ZNF385D: variants seen among roughly 807,000 people sequenced by gnomAD.
The protein encoded by ZNF385D is zinc finger protein 385D.
In ZNF385D, 15 loss-of-function variants were observed where a neutral mutation model predicts 35.8. The observed-to-expected ratio is 0.42, with a 90% CI of 0.28 to 0.64. The LOEUF is 0.64. Ranked by LOEUF, ZNF385D falls within the 30% of genes least tolerant of loss-of-function variation. The pLI is 0.23. For synonymous variants in ZNF385D, 212 were observed against 186.8 expected, an observed-to-expected ratio of 1.13 and a Z score of -1.10; for missense variants, 474 against 494.6, an observed-to-expected ratio of 0.96 and a Z score of 0.39.
intron 1 of ZNF385D, among the ~76,000 whole-genome samples, chr3:21,699,655 A>C (rs185193581): frequency 1.6e-3 from 250 of 152,174 alleles, no homozygotes; most frequent in African/African-American, 5.8e-3. Context: ...AAAACATTTC[A>C]TGAATAGCTT....
At chr3:22,359,523 T>A (rs556475284) in intron 2 of ZNF385D, among the ~76,000 whole-genome samples, 5 of 152,016 alleles carry the variant, frequency 3.3e-5, no homozygotes, top group African/African-American at 9.6e-5. Context: ...GACAGGACCC[T>A]TTTAGGTTCC....
Position 22,138,480 on chromosome 3 carries a change from C to T in ZNF385D, c.325+30337G>A, listed in dbSNP as rs551571579. Among the ~76,000 whole-genome samples the T allele has an allele frequency of 5.7e-3, 855 of 150,922 alleles. 4 individuals carry two copies. Among genetic ancestry groups the T allele is most frequent in the South Asian group, 0.017 (82 of 4,712 alleles). On this transcript the variant is annotated intron_variant, in intron 3 of 5. Coordinates refer to the ZNF385D transcript ENST00000494108. ...GTACCAAAACAGAGATATAGACCAA[C>T]GGAACAGAACAGAGCCCTCAGAAAT...
At chr3:22,060,794 G>C (rs1180931364) in intron 3 of ZNF385D, among the ~76,000 whole-genome samples, 1 of 151,744 alleles carries the variant, frequency 6.6e-6, no homozygotes, top group African/African-American at 2.4e-5. Flanking sequence ...TCCACGCAAG[G>C]GTTTCTGAAT....
At chr3:21,958,056 T>C (rs1702382861) in intron 3 of ZNF385D, among the ~76,000 whole-genome samples, 1 of 152,152 alleles carries the variant, frequency 6.6e-6, no homozygotes, top group Non-Finnish European at 1.5e-5. Flanking sequence ...CATTGCCCTT[T>C]TAATAAAACT....
intron 3 of ZNF385D, among the ~76,000 whole-genome samples, chr3:22,105,440 T>C (rs1702156405): frequency 6.6e-6 from 1 of 152,222 alleles, no homozygotes; most frequent in Admixed American, 6.5e-5. Context: ...TACATACTTA[T>C]ATACAGAGAG....
intron 3 of ZNF385D, among the ~76,000 whole-genome samples, chr3:21,808,048 T>A (rs1424300862): frequency 6.6e-6 from 1 of 152,196 alleles, no homozygotes; most frequent in Non-Finnish European, 1.5e-5. Flanking sequence ...ATTTTACTGT[T>A]ATCATTGCTC....
At chr3:22,030,251 T>A (rs1286867864) in intron 3 of ZNF385D, among the ~76,000 whole-genome samples, 3 of 54,128 alleles carry the variant, frequency 5.5e-5, no homozygotes, top group African/African-American at 8.3e-5. Context: ...CTTAATAAAC[T>A]CATTCATATA....
intron 1 of ZNF385D, among the ~76,000 whole-genome samples, chr3:21,681,298 T>TA (rs55872870): frequency 0.14 from 9,078 of 64,290 alleles, 2,344 homozygotes; most frequent in East Asian, 0.29. Flanking sequence ...ATTCCATCAG[T>TA]AAAAAAAAAA....
intron 2 of ZNF385D, among the ~76,000 whole-genome samples, chr3:21,651,070 G>T (rs1213906050): frequency 6.6e-6 from 1 of 151,404 alleles, no homozygotes; most frequent in Middle Eastern, 3.2e-3. Flanking sequence ...ATGAGGTCAG[G>T]AGATCGAGAC....
chr3:21,802,309 A>C (rs2072442020), intron 3 of ZNF385D, among the ~76,000 whole-genome samples: 1 of 152,128 alleles, frequency 6.6e-6, no homozygotes, highest in Non-Finnish European at 1.5e-5. Context: ...TCATGGGGTA[A>C]TTTCTTTGAT....
chr3:21,586,279 A>G (rs1021300510), intron 2 of ZNF385D, among the ~76,000 whole-genome samples: 5 of 152,192 alleles, frequency 3.3e-5, no homozygotes, highest in Non-Finnish European at 5.9e-5. Flanking sequence ...CTTCCAGAAT[A>G]GTGCATCCAT....
chr3:21,875,351 G>A lies in ZNF385D; in HGVS notation c.326-210323C>T, dbSNP rs115258669. ...TCCCCTAAATGTAAATTAGATCATA[G>A]CCTCCATCAGTTCTTCTTTCATTGT... On this transcript the variant is annotated intron_variant, in intron 3 of 5. Coordinates refer to the ZNF385D transcript ENST00000494108. Among the ~76,000 whole-genome samples the A allele has an allele frequency of 7.6e-3, 1,161 of 151,806 alleles. 9 individuals carry two copies. The highest frequency in any genetic ancestry group is 0.012 in the Non-Finnish European group (792 of 67,930).
chr3:22,152,266 T>C (rs1334227538), intron 3 of ZNF385D, among the ~76,000 whole-genome samples: 1 of 152,174 alleles, frequency 6.6e-6, no homozygotes, highest in Non-Finnish European at 1.5e-5. Context: ...TTCCCTATCC[T>C]CTGCTCTCTT....
At chr3:22,138,982 A>C (rs1455544505) in intron 3 of ZNF385D, among the ~76,000 whole-genome samples, 9 of 152,196 alleles carry the variant, frequency 5.9e-5, no homozygotes, top group Admixed American at 5.9e-4. Context: ...AAAAAAACAA[A>C]CAACCCCATC....
Position 21,938,696 on chromosome 3 carries a change from G to A in ZNF385D, c.325+230121C>T, listed in dbSNP as rs77214697. ...CACTCACACGCATTCCTTTCTTACC[G>A]TGCTTCATGTGCACTTTCCCCTAAA... On this transcript the variant is annotated intron_variant, in intron 3 of 5. Coordinates refer to the ZNF385D transcript ENST00000494108. Among the ~76,000 whole-genome samples the A allele has an allele frequency of 5.1e-3, 783 of 152,112 alleles. 4 individuals are homozygous for A. Among genetic ancestry groups the A allele is most frequent in the Middle Eastern group, 0.014 (4 of 294 alleles).
chr3:21,450,273 G>A lies in ZNF385D; in HGVS notation c.440-13070C>T, dbSNP rs547259524. Among the ~76,000 whole-genome samples the A allele has an allele frequency of 4.6e-5, 7 of 152,242 alleles. No homozygotes were observed. The South Asian group carries it at 6.2e-4, about 14-fold the overall frequency. Reference sequence around the variant, plus strand: ...CTCTTGGACCACACATTAGGAAACTGTGCAAAGAGAGCAAGGACTCATGCT... The same window carrying A: ...CTCTTGGACCACACATTAGGAAACTATGCAAAGAGAGCAAGGACTCATGCT... On this transcript the variant is annotated intron_variant, in intron 4 of 7. Coordinates refer to ENST00000281523, the MANE Select transcript of ZNF385D (RefSeq NM_024697.3).
intron 3 of ZNF385D, among the ~76,000 whole-genome samples, chr3:22,106,738 T>C (rs1702233346): frequency 6.6e-6 from 1 of 152,154 alleles, no homozygotes; most frequent in Admixed American, 6.5e-5. Flanking sequence ...TCCCTACAAA[T>C]TGCCTCATGT....
rs139328703 is a variant in ZNF385D at position 21,644,060 on chromosome 3, A to C, written c.165+20826T>G. ...CAAGATTTAGGTATAGTAACTCTTCATTGAATGTTGTCAATGAGTTGTTGG... is the reference window on the plus strand; with the variant it reads ...CAAGATTTAGGTATAGTAACTCTTCCTTGAATGTTGTCAATGAGTTGTTGG... On this transcript the variant is annotated intron_variant, in intron 2 of 7. Coordinates refer to ENST00000281523, the MANE Select transcript of ZNF385D (RefSeq NM_024697.3). Among the ~76,000 whole-genome samples, 552 of 152,274 alleles carry C rather than the reference A, an allele frequency of 3.6e-3. 5 individuals carry two copies. Among genetic ancestry groups the C allele is most frequent in the African/African-American group, 0.012 (502 of 41,560 alleles).
chr3:22,343,558 C>A (rs189491739), intron 2 of ZNF385D, among the ~76,000 whole-genome samples: 73 of 150,762 alleles, frequency 4.8e-4, no homozygotes, highest in Non-Finnish European at 8.7e-4. Flanking sequence ...AGAGAGAATC[C>A]TACTGACTGT....
Sources: gnomAD v4.1 joint callset for allele counts (sites outside exome capture counted in the v4.1 genomes callset) on GRCh38, gnomAD v4.1.1 for gene constraint, MANE v1.5 for transcripts, NCBI Gene and HGNC (gene_info 2026-07-23, HGNC 2026-07-21) for gene names.